GRIP1: variants seen among roughly 807,000 people sequenced by gnomAD.
GRIP1 encodes the protein glutamate receptor interacting protein 1.
GRIP1 carries 45 observed loss-of-function variants against 129.9 expected under a neutral mutation model. The observed-to-expected ratio is 0.35, with a 90% confidence interval of 0.27 to 0.44. GRIP1 has a LOEUF of 0.44. GRIP1 is among the 20% of genes least tolerant of loss of function. GRIP1 has a pLI of 1.00. For synonymous variants in GRIP1, 530 were observed against 520.8 expected (o/e 1.02, Z -0.24); for missense variants, 1,196 against 1,396.8 (o/e 0.86, Z 2.29).
chr12:66,603,046 G>A (rs1331420662), intron 1 of GRIP1, among the ~76,000 whole-genome samples: 5 of 150,876 alleles, frequency 3.3e-5, no homozygotes, highest in African/African-American at 4.9e-5. Context: ...TTTTTATAGA[G>A]GCTAGGTCTC....
intron 1 of GRIP1, among the ~76,000 whole-genome samples, chr12:66,714,000 T>C (rs529592596): frequency 2.9e-4 from 44 of 152,188 alleles, no homozygotes; most frequent in African/African-American, 1.0e-3. Flanking sequence ...GCTCACTCTG[T>C]GACCTAACAC....
intron 2 of GRIP1, among the ~76,000 whole-genome samples, chr12:66,566,830 G>T (rs1395080568): frequency 1.3e-5 from 2 of 152,100 alleles, no homozygotes; most frequent in East Asian, 3.9e-4. Flanking sequence ...GGTCTATTCA[G>T]GGATTCAACT....
At chr12:66,879,226 G>A (rs147698405) in intron 1 of GRIP1, among the ~76,000 whole-genome samples, 3 of 151,566 alleles carry the variant, frequency 2.0e-5, no homozygotes, top group African/African-American at 7.3e-5. Context: ...TGTTTGCTGT[G>A]TTAATCTCTA....
At chr12:66,634,931 C>A (rs2031206354) in intron 1 of GRIP1, among the ~76,000 whole-genome samples, 1 of 152,184 alleles carries the variant, frequency 6.6e-6, no homozygotes, top group African/African-American at 2.4e-5. Context: ...TTATTTTAGT[C>A]TTTCTTTATA....
At chr12:66,829,093 A>C (rs2039470185) in intron 1 of GRIP1, among the ~76,000 whole-genome samples, 1 of 152,214 alleles carries the variant, frequency 6.6e-6, no homozygotes, top group African/African-American at 2.4e-5. Flanking sequence ...AGTGACTATT[A>C]CCATATATGG....
intron 1 of GRIP1, among the ~76,000 whole-genome samples, chr12:67,051,639 T>C (rs769228940): frequency 7.9e-5 from 12 of 152,146 alleles, no homozygotes; most frequent in Non-Finnish European, 1.8e-4. Context: ...AAGCTAGTCA[T>C]GAGTGGAATG....
At chr12:66,947,194 T>C (rs527835923) in intron 1 of GRIP1, among the ~76,000 whole-genome samples, 3 of 152,300 alleles carry the variant, frequency 2.0e-5, no homozygotes, top group African/African-American at 7.2e-5. Flanking sequence ...AGCCTTCTGC[T>C]GAAAGTGTAG....
chr12:66,934,378 T>C (rs1461848707), intron 1 of GRIP1, among the ~76,000 whole-genome samples: 1 of 152,360 alleles, frequency 6.6e-6, no homozygotes, highest in African/African-American at 2.4e-5. Context: ...CTCTACTCCC[T>C]GGGGTTCGTT....
At chr12:66,521,580 C>G (rs1231399745) in intron 5 of GRIP1, among the ~76,000 whole-genome samples, 1 of 152,184 alleles carries the variant, frequency 6.6e-6, no homozygotes, top group Non-Finnish European at 1.5e-5. Flanking sequence ...GTGAGTGACG[C>G]AGAAGACGGG....
intron 1 of GRIP1, among the ~76,000 whole-genome samples, chr12:66,785,836 C>A (rs2038324572): frequency 6.6e-6 from 1 of 151,836 alleles, no homozygotes; most frequent in African/African-American, 2.4e-5. Context: ...AATCTCAGCA[C>A]TTTGGGAGGC....
chr12:66,479,134 G>T (rs1193510433), intron 7 of GRIP1, among the ~76,000 whole-genome samples: 3 of 151,570 alleles, frequency 2.0e-5, no homozygotes, highest in Non-Finnish European at 4.4e-5. Context: ...CCAGGAGCTG[G>T]TTTTTTGTAA....
chr12:66,400,043 T>G (rs2056929452), intron 16 of GRIP1, among the ~76,000 whole-genome samples: 3 of 151,964 alleles, frequency 2.0e-5, no homozygotes, highest in Admixed American at 2.0e-4. Context: ...AGTGATAATT[T>G]TAAGTCTCAA....
At chr12:66,969,553 A>C (rs921177845) in intron 1 of GRIP1, among the ~76,000 whole-genome samples, 15 of 152,044 alleles carry the variant, frequency 9.9e-5, no homozygotes, top group African/African-American at 3.6e-4. Flanking sequence ...AGTAGCTGGG[A>C]CCACGGGCAT....
At chr12:66,817,432 G>A (rs993824493) in intron 1 of GRIP1, among the ~76,000 whole-genome samples, 8 of 151,994 alleles carry the variant, frequency 5.3e-5, no homozygotes, top group Non-Finnish European at 1.0e-4. Context: ...TTTTTGGGAT[G>A]GAGTCTTTCT....
At chr12:66,682,469 G>A (rs571687630), upstream of GRIP1, among the ~76,000 whole-genome samples, 1 of 152,108 alleles carries the variant, frequency 6.6e-6, no homozygotes, top group Admixed American at 6.6e-5. Context: ...TCATAAGAAG[G>A]GGGTGGGTTG....
chr12:66,689,913 T>G (rs765407004), intron 1 of GRIP1, among the ~76,000 whole-genome samples: 2 of 151,920 alleles, frequency 1.3e-5, no homozygotes, highest in Non-Finnish European at 2.9e-5. Flanking sequence ...TTATTTATTT[T>G]TATTTATTTA....
intron 2 of GRIP1, among the ~76,000 whole-genome samples, chr12:66,583,972 G>A (rs1398801777): frequency 3.6e-5 from 5 of 139,374 alleles, no homozygotes; most frequent in South Asian, 2.3e-4. Context: ...TGTTTATTGC[G>A]GCATTATTCA....
At chr12:66,916,155 A>T (rs999024690) in intron 1 of GRIP1, among the ~76,000 whole-genome samples, 1 of 152,270 alleles carries the variant, frequency 6.6e-6, no homozygotes, top group Non-Finnish European at 1.5e-5. Flanking sequence ...TGTATCAGAA[A>T]GCCTAATAAA....
intron 1 of GRIP1, among the ~76,000 whole-genome samples, chr12:66,837,942 C>A (rs1218393672): frequency 6.6e-6 from 1 of 152,092 alleles, no homozygotes; most frequent in Non-Finnish European, 1.5e-5. Context: ...ACCTGTAATC[C>A]CAGCACTTTG....
Sources: gnomAD v4.1 joint callset for allele counts (sites outside exome capture counted in the v4.1 genomes callset) on GRCh38, gnomAD v4.1.1 for gene constraint, MANE v1.5 for transcripts, NCBI Gene and HGNC (gene_info 2026-07-23, HGNC 2026-07-21) for gene names.